The following LOC128092252 variants were observed in gnomAD, a reference collection of about 807,000 sequenced individuals.
chr15:50,666,230 A>G, the LOC128092252 span, among the ~76,000 whole-genome samples: 4 of 152,182 alleles, frequency 2.6e-5, no homozygotes, highest in East Asian at 7.8e-4. Flanking sequence ...TGAGTCCAGG[A>G]GTTTGAGACC....
chr15:50,658,251 T>A, the LOC128092252 span, among the ~76,000 whole-genome samples: 4 of 152,012 alleles, frequency 2.6e-5, no homozygotes, highest in Non-Finnish European at 5.9e-5. Context: ...GTGATCCACC[T>A]GCCTCGGCCT....
chr15:50,655,577 G>GA, the LOC128092252 span, among the ~76,000 whole-genome samples: 32 of 148,504 alleles, frequency 2.2e-4, no homozygotes, highest in African/African-American at 6.9e-4. Context: ...CAAAGGAATA[G>GA]AAAAAAAAAA....
At chr15:50,679,530 A>ATAT in the LOC128092252 span, among the ~76,000 whole-genome samples, 3 of 44,848 alleles carry the variant, frequency 6.7e-5, no homozygotes, top group African/African-American at 3.2e-4. Context: ...ATATATATAT[A>ATAT]TATATATATT....
the LOC128092252 span, among the ~76,000 whole-genome samples, chr15:50,673,740 C>A: frequency 3.5e-4 from 54 of 152,174 alleles, no homozygotes; most frequent in African/African-American, 1.3e-3. Flanking sequence ...TATAAACATG[C>A]GTACGCAAGT....
the LOC128092252 span, among the ~76,000 whole-genome samples, chr15:50,673,943 A>G: frequency 6.6e-6 from 1 of 152,018 alleles, no homozygotes; most frequent in Non-Finnish European, 1.5e-5. Flanking sequence ...TGTTTTATGT[A>G]TTATGGCCAT....
At chr15:50,681,558 AC>A in the LOC128092252 span, among the ~76,000 whole-genome samples, 2 of 152,170 alleles carry the variant, frequency 1.3e-5, no homozygotes, top group African/African-American at 4.8e-5. Context: ...CCAGCATACT[AC>A]CAAACTGCCA....
the LOC128092252 span, among the ~76,000 whole-genome samples, chr15:50,681,936 C>T: frequency 6.6e-6 from 1 of 152,092 alleles, no homozygotes; most frequent in African/African-American, 2.4e-5. Context: ...AATCCCAGCA[C>T]TTTGGGAGGC....
chr15:50,668,379 C>A, the LOC128092252 span, among the ~76,000 whole-genome samples: 1 of 152,184 alleles, frequency 6.6e-6, no homozygotes, highest in Non-Finnish European at 1.5e-5. Flanking sequence ...GAGCTATTGA[C>A]AGCTATTAAC....
the LOC128092252 span, chr15:50,657,741 A>C: frequency 1.2e-5 from 19 of 1,583,476 alleles, no homozygotes; most frequent in Middle Eastern, 1.7e-4. Context: ...AGTTTTATTT[A>C]TTTTCCGAAA....
At chr15:50,652,887 C>CA in the LOC128092252 span, among the ~76,000 whole-genome samples, 1 of 152,202 alleles carries the variant, frequency 6.6e-6, no homozygotes, top group Middle Eastern at 3.4e-3. Context: ...CTAGGCCGGG[C>CA]ACACTGGCTC....
At chr15:50,653,403 A>C in the LOC128092252 span, among the ~76,000 whole-genome samples, 4 of 152,250 alleles carry the variant, frequency 2.6e-5, no homozygotes, top group African/African-American at 9.6e-5. Context: ...ATTAAATCTT[A>C]TCAAGAGTAC....
At chr15:50,678,862 C>T in the LOC128092252 span, among the ~76,000 whole-genome samples, 1 of 135,270 alleles carries the variant, frequency 7.4e-6, no homozygotes, top group Non-Finnish European at 1.6e-5. Context: ...AGAAACCCAT[C>T]TTTGCAAAAA....
chr15:50,664,458 AAT>A, the LOC128092252 span, among the ~76,000 whole-genome samples: 1 of 152,214 alleles, frequency 6.6e-6, no homozygotes, highest in African/African-American at 2.4e-5. Flanking sequence ...TTAGAAGAAA[AAT>A]AGTGTCAGAA....
At chr15:50,670,092 T>C in the LOC128092252 span, among the ~76,000 whole-genome samples, 4 of 152,320 alleles carry the variant, frequency 2.6e-5, no homozygotes, top group African/African-American at 9.6e-5. Context: ...AACTGATGTG[T>C]TGTGAATGAG....
the LOC128092252 span, among the ~76,000 whole-genome samples, chr15:50,677,417 A>C: frequency 5.6e-5 from 8 of 143,258 alleles, no homozygotes; most frequent in Middle Eastern, 3.6e-3. Context: ...AACAACAACA[A>C]CACACACACA....
the LOC128092252 span, among the ~76,000 whole-genome samples, chr15:50,683,715 G>T: frequency 6.6e-6 from 1 of 152,050 alleles, no homozygotes; most frequent in East Asian, 1.9e-4. Context: ...GCAAGACTCT[G>T]TTCCAAAAAA....
the LOC128092252 span, among the ~76,000 whole-genome samples, chr15:50,660,644 C>T: frequency 6.6e-6 from 1 of 152,144 alleles, no homozygotes; most frequent in Non-Finnish European, 1.5e-5. Flanking sequence ...AGCCACCATG[C>T]CCAGCCTAAA....
chr15:50,686,252 G>T, the LOC128092252 span, among the ~76,000 whole-genome samples: 1 of 152,168 alleles, frequency 6.6e-6, no homozygotes, highest in Admixed American at 6.5e-5. Flanking sequence ...TCCCGGGCTC[G>T]CGCCTCTGCC....
At chr15:50,672,314 C>T in the LOC128092252 span, among the ~76,000 whole-genome samples, 1 of 151,960 alleles carries the variant, frequency 6.6e-6, no homozygotes, top group African/African-American at 2.4e-5. Context: ...CCTTGGCCTC[C>T]CAAAGTGCTA....
Sources: gnomAD v4.1 joint callset for allele counts (sites outside exome capture counted in the v4.1 genomes callset) on GRCh38, gnomAD v4.1.1 for gene constraint, MANE v1.5 for transcripts.